Variants in ANK3 observed in about 807,000 individuals in gnomAD.
ANK3 encodes the protein ankyrin-3.
ANK3 carries 57 observed loss-of-function variants against 370.9 expected under a neutral mutation model. The ratio of observed to expected loss-of-function variants is 0.15; its 90% CI spans 0.12 to 0.19. The LOEUF (loss-of-function observed/expected upper bound fraction) is 0.19, where lower values mean the gene tolerates loss of function less well. Ranked by LOEUF, ANK3 falls within the 10% of genes least tolerant of loss-of-function variation. The pLI, the probability that ANK3 is intolerant of heterozygous loss-of-function variation, is 1.00. For missense variants in ANK3, 4,439 were observed against 5,302.1 expected (o/e 0.84, Z 5.06); for synonymous variants, 1,929 against 1,946.3 (o/e 0.99, Z 0.23).
intron 2 of ANK3, among the ~76,000 whole-genome samples, chr10:60,430,582 G>T (rs1351632849): frequency 6.6e-6 from 1 of 152,132 alleles, no homozygotes; most frequent in Non-Finnish European, 1.5e-5. Context: ...CAGGGTAACA[G>T]AGCTGAATGA....
chr10:60,629,975 T>C (rs553813429), intron 1 of ANK3, among the ~76,000 whole-genome samples: 107 of 152,336 alleles, frequency 7.0e-4, no homozygotes, highest in African/African-American at 2.2e-3. Context: ...TTACTTTATT[T>C]TAACATTTTC....
At chr10:60,690,677 A>G (rs2079339319) in intron 1 of ANK3, among the ~76,000 whole-genome samples, 1 of 152,154 alleles carries the variant, frequency 6.6e-6, no homozygotes, top group Admixed American at 6.5e-5. Context: ...TGCCACCACC[A>G]TCGTCTCCCA....
intron 1 of ANK3, among the ~76,000 whole-genome samples, chr10:60,306,562 T>A (rs1401634687): frequency 3.9e-5 from 6 of 152,114 alleles, no homozygotes; most frequent in Non-Finnish European, 8.8e-5. Flanking sequence ...TTTCATATAA[T>A]GCCTTCTTTT....
chr10:60,329,236 C>A (rs1353846447), intron 1 of ANK3, among the ~76,000 whole-genome samples: 1 of 152,168 alleles, frequency 6.6e-6, no homozygotes, highest in Non-Finnish European at 1.5e-5. Flanking sequence ...GACAAGGATG[C>A]CCTCTCTCAC....
At chr10:60,352,619 A>G (rs1404986584) in intron 1 of ANK3, among the ~76,000 whole-genome samples, 1 of 152,072 alleles carries the variant, frequency 6.6e-6, no homozygotes. Context: ...ACTTCCTATG[A>G]TGTTCTTCAG....
At chr10:60,106,119 T>A in intron 27 of ANK3, 60 bp from the exon 28 acceptor site, 2 of 1,433,572 alleles carry the variant, frequency 1.4e-6, no homozygotes, top group South Asian at 1.4e-5. Context: ...GTATCATACT[T>A]AAAAAATGTT....
intron 42 of ANK3, among the ~76,000 whole-genome samples, chr10:60,048,117 C>A (rs1303502744): frequency 1.3e-5 from 2 of 152,274 alleles, no homozygotes; most frequent in East Asian, 3.9e-4. Flanking sequence ...TTTTGGCAAT[C>A]CAATGCTTAG....
At chr10:60,226,786 C>T (rs1300864287) in intron 8 of ANK3, among the ~76,000 whole-genome samples, 1 of 143,908 alleles carries the variant, frequency 6.9e-6, no homozygotes, top group African/African-American at 2.6e-5. Flanking sequence ...AATTAATATA[C>T]CACTTTATGT....
intron 28 of ANK3, among the ~76,000 whole-genome samples, chr10:60,098,577 C>T (rs145088866): frequency 0.012 from 1,764 of 151,732 alleles, 9 homozygotes; most frequent in Non-Finnish European, 0.019. Flanking sequence ...AATAAGTTCA[C>T]ATAAGATGTT....
chr10:60,661,379 C>A (rs913758484), intron 1 of ANK3, among the ~76,000 whole-genome samples: 1 of 152,116 alleles, frequency 6.6e-6, no homozygotes, highest in Non-Finnish European at 1.5e-5. Context: ...CTAGGCATTT[C>A]TTTTTCCCTC....
chr10:60,678,257 T>C (rs886964942), intron 1 of ANK3, among the ~76,000 whole-genome samples: 12 of 152,236 alleles, frequency 7.9e-5, no homozygotes, highest in Non-Finnish European at 1.3e-4. Context: ...TTGGTGAGAA[T>C]TAAATTGTCA....
In ANK3 at chr10:60,550,492, A is replaced by T. The variant is rs538604546; in HGVS notation, c.96+64694T>A. 2.4e-4 allele frequency among the ~76,000 whole-genome samples: 37 copies of T among 152,150 alleles called. No homozygotes were observed. The South Asian group carries it at 7.5e-3, about 31-fold the overall frequency. ...AGATGTAAATTTCTAAAAAGTCTAA[A>T]ACACTAAAAAGAATTTTTTAAATGG... On this transcript the variant is annotated intron_variant, in intron 2 of 43. Coordinates refer to the ANK3 transcript ENST00000373827.
At chr10:60,642,829 GAGA>G (rs2078655092) in intron 1 of ANK3, among the ~76,000 whole-genome samples, 1 of 152,060 alleles carries the variant, frequency 6.6e-6, no homozygotes, top group African/African-American at 2.4e-5. Context: ...TTAATTTAAT[GAGA>G]AGATTTAATA....
chr10:60,198,378 G>C lies in ANK3; in HGVS notation c.1651C>G (p.Leu551Val). The C allele has an allele frequency of 6.2e-7, 1 of 1,614,226 alleles. No individual in the cohort carries two copies. Among genetic ancestry groups the C allele is most frequent in the Non-Finnish European group, 8.5e-7 (1 of 1,180,040 alleles). Residue 551 changes from leucine (L) to valine (V), a missense_variant, in exon 14 of 44, where the codon CTT (leucine) becomes GTT (valine). Around this residue, in one of 13 missense-constraint regions of ANK3, gnomAD observed 192 missense variants for 192.1 expected, o/e 1.00. Transcript: ENST00000280772. ...GATAAAGACGCTCCATGATCCAAAAGGAACGCGGCCACATCCTCATGCCCC... is the reference window on the plus strand; with the variant it reads ...GATAAAGACGCTCCATGATCCAAAACGAACGCGGCCACATCCTCATGCCCC... ...REGHEDVAAF[L>V]LDHGASLSIT...
At chr10:60,289,302 C>T (rs369632460) in intron 1 of ANK3, among the ~76,000 whole-genome samples, 2 of 141,474 alleles carry the variant, frequency 1.4e-5, no homozygotes, top group East Asian at 2.1e-4. Context: ...GGGTCTTGCT[C>T]TGTTGCCCAG....
intron 1 of ANK3, 92 bp from the exon 2 acceptor site, chr10:60,279,731 G>T: frequency 1.1e-6 from 1 of 910,386 alleles, no homozygotes; most frequent in South Asian, 1.6e-5. Flanking sequence ...TAAAATAATT[G>T]AACTCTTTTA....
intron 4 of ANK3, among the ~76,000 whole-genome samples, chr10:60,277,849 G>T (rs12783491): frequency 4.6e-5 from 7 of 152,136 alleles, no homozygotes; most frequent in Admixed American, 4.6e-4. Flanking sequence ...AAGGATGGAA[G>T]TCAGCATTCG....
chr10:60,698,920 T>G (rs1435865918), intron 1 of ANK3, among the ~76,000 whole-genome samples: 1 of 146,580 alleles, frequency 6.8e-6, no homozygotes. Context: ...ATAATAATAA[T>G]AAAGAAAAAT....
rs35837089 is a variant in ANK3 at position 60,528,134 on chromosome 10, C to CTTTTTTTT, written c.96+87051_96+87052insAAAAAAAA. On this transcript the variant is annotated intron_variant, in intron 2 of 43. Coordinates refer to the ANK3 transcript ENST00000373827. ...TTTTTTCTTTTTTTCTTTTCTTCTTCTTCTTTTTTTTTTTTTTTTGAGACA... is the reference window on the plus strand; with the variant it reads ...TTTTTTCTTTTTTTCTTTTCTTCTTCTTTTTTTTTTCTTTTTTTTTTTTTTTTGAGACA... Among the ~76,000 whole-genome samples the CTTTTTTTT allele has an allele frequency of 4.7e-4, 59 of 124,278 alleles. 1 individual carries two copies. The highest frequency in any genetic ancestry group is 5.8e-4 in the Non-Finnish European group (35 of 60,460). The allele number at this position is 124,278 out of a possible 152,430, so 81.5% of individuals were successfully genotyped here. A position where few individuals can be genotyped will look rare whatever the true frequency, so the allele number is the denominator to read the frequency against.
Sources: allele counts gnomAD v4.1 joint callset (sites outside exome capture counted in the v4.1 genomes callset), GRCh38; gene constraint gnomAD v4.1.1; regional missense constraint gnomAD v4.1.1; transcripts MANE v1.5; gene names NCBI Gene and HGNC (gene_info 2026-07-23, HGNC 2026-07-21).